Variants in SPAG16 observed in about 807,000 individuals in gnomAD.
SPAG16 encodes the protein sperm-associated antigen 16 protein.
SPAG16 carries 86 observed loss-of-function variants against 80.4 expected under a neutral mutation model. The observed-to-expected ratio is 1.07, with a 90% CI of 0.90 to 1.28. SPAG16 has a LOEUF of 1.28. Ranked by LOEUF, SPAG16 falls within the 50% of genes most tolerant of loss-of-function variation. SPAG16 has a pLI of 0.00. For missense variants in SPAG16, 870 were observed against 765.3 expected (o/e 1.14, Z -1.61); for synonymous variants, 294 against 265.9 (o/e 1.11, Z -1.03).
At chr2:214,406,348 CATTTT>C (rs1701997230) in intron 15 of SPAG16, among the ~76,000 whole-genome samples, 1 of 152,094 alleles carries the variant, frequency 6.6e-6, no homozygotes, top group African/African-American at 2.4e-5. Context: ...CAATATTACA[CATTTT>C]ATTAGCATGA....
At chr2:213,971,719 A>G (rs543787948) in intron 12 of SPAG16, among the ~76,000 whole-genome samples, 1 of 152,316 alleles carries the variant, frequency 6.6e-6, no homozygotes, top group East Asian at 1.9e-4. Flanking sequence ...CAGATACTCA[A>G]ACAGATGCTG....
chr2:214,083,479 T>C (rs548201884), intron 13 of SPAG16, among the ~76,000 whole-genome samples: 33 of 152,182 alleles, frequency 2.2e-4, no homozygotes, highest in Non-Finnish European at 4.6e-4. Flanking sequence ...CCAATCTACA[T>C]TTTCTAATTC....
intron 13 of SPAG16, among the ~76,000 whole-genome samples, chr2:214,098,072 T>C (rs993912201): frequency 1.3e-5 from 2 of 152,136 alleles, no homozygotes; most frequent in Non-Finnish European, 2.9e-5. Context: ...GCTTGTATGA[T>C]ATCCAAGTCT....
chr2:213,952,836 A>C (rs2043920817), intron 12 of SPAG16, among the ~76,000 whole-genome samples: 1 of 152,106 alleles, frequency 6.6e-6, no homozygotes, highest in Admixed American at 6.5e-5. Context: ...AGAATGAGAA[A>C]GCTCCCTGTC....
intron 11 of SPAG16, among the ~76,000 whole-genome samples, chr2:213,877,625 T>C (rs1481599661): frequency 6.6e-6 from 1 of 152,190 alleles, no homozygotes; most frequent in Non-Finnish European, 1.5e-5. Flanking sequence ...ACATAAGGCA[T>C]TTTTTATGAA....
At chr2:213,859,909 AT>A (rs1244821777) in intron 10 of SPAG16, among the ~76,000 whole-genome samples, 2 of 152,194 alleles carry the variant, frequency 1.3e-5, no homozygotes, top group African/African-American at 2.4e-5. Flanking sequence ...TTGAGCTTTC[AT>A]TTCACTTGTG....
chr2:214,276,571 T>A (rs1216876021), intron 15 of SPAG16, among the ~76,000 whole-genome samples: 1 of 152,228 alleles, frequency 6.6e-6, no homozygotes, highest in African/African-American at 2.4e-5. Context: ...TTTGGCTGGA[T>A]ATGAAATTCT....
chr2:214,059,260 G>GCATA (rs1553706253), intron 13 of SPAG16, among the ~76,000 whole-genome samples: 2 of 132,992 alleles, frequency 1.5e-5, no homozygotes, highest in East Asian at 4.5e-4. Context: ...ATATATGTAT[G>GCATA]TATATATATA....
intron 13 of SPAG16, among the ~76,000 whole-genome samples, chr2:214,028,953 G>A (rs1352505200): frequency 6.6e-6 from 1 of 151,918 alleles, no homozygotes; most frequent in Non-Finnish European, 1.5e-5. Flanking sequence ...TTTTTTTAAA[G>A]ACTAAAGTCT....
At chr2:214,188,880 T>A (rs960616158) in intron 15 of SPAG16, among the ~76,000 whole-genome samples, 22 of 152,070 alleles carry the variant, frequency 1.4e-4, no homozygotes, top group African/African-American at 5.3e-4. Flanking sequence ...CTGATTCAAG[T>A]GTGGGGTCCT....
intron 13 of SPAG16, among the ~76,000 whole-genome samples, chr2:214,100,594 C>T (rs1298304545): frequency 6.6e-5 from 10 of 152,184 alleles, no homozygotes; most frequent in African/African-American, 1.2e-4. Context: ...TCTATGTGTA[C>T]TCAATGTTTA....
intron 11 of SPAG16, among the ~76,000 whole-genome samples, chr2:213,904,493 C>T (rs929481316): frequency 1.3e-5 from 2 of 151,212 alleles, no homozygotes; most frequent in African/African-American, 4.9e-5. Flanking sequence ...AATTATCTCC[C>T]ACTTGGTCCC....
At chr2:213,341,689 AC>A (rs940456174) in intron 6 of SPAG16, among the ~76,000 whole-genome samples, 13 of 152,036 alleles carry the variant, frequency 8.6e-5, no homozygotes, top group Admixed American at 8.5e-4. Flanking sequence ...ATGCCACCAT[AC>A]CCAGCTAAAT....
intron 15 of SPAG16, among the ~76,000 whole-genome samples, chr2:214,180,925 G>C (rs2057290957): frequency 6.6e-6 from 1 of 151,660 alleles, no homozygotes; most frequent in Non-Finnish European, 1.5e-5. Flanking sequence ...TTTGGGCCTT[G>C]AGTGGATTTT....
intron 10 of SPAG16, among the ~76,000 whole-genome samples, chr2:213,838,216 G>T (rs1222592087): frequency 1.3e-5 from 2 of 152,096 alleles, no homozygotes; most frequent in Non-Finnish European, 2.9e-5. Flanking sequence ...CTGTTGCCCA[G>T]GCTGCAGTGC....
intron 9 of SPAG16, among the ~76,000 whole-genome samples, chr2:213,381,103 C>T (rs952958441): frequency 8.5e-5 from 7 of 81,980 alleles, no homozygotes; most frequent in African/African-American, 2.7e-4. Flanking sequence ...TAGACTTATA[C>T]CACAACACTG....
chr2:213,558,376 T>C (rs2125973711), intron 10 of SPAG16, among the ~76,000 whole-genome samples: 1 of 152,222 alleles, frequency 6.6e-6, no homozygotes, highest in South Asian at 2.1e-4. Flanking sequence ...TGGAAGCTTT[T>C]TATTCCATAA....
At chr2:213,583,637 C>T (rs913102785) in intron 10 of SPAG16, among the ~76,000 whole-genome samples, 1 of 152,032 alleles carries the variant, frequency 6.6e-6, no homozygotes. Flanking sequence ...GTTAGAAAAA[C>T]ACCATTTTGT....
chr2:213,729,865 C>G (rs1486331636), intron 10 of SPAG16, among the ~76,000 whole-genome samples: 1 of 152,168 alleles, frequency 6.6e-6, no homozygotes, highest in Non-Finnish European at 1.5e-5. Context: ...TAACATCAGT[C>G]CTCAGCTAGG....
Sources: gnomAD v4.1 joint callset for allele counts (sites outside exome capture counted in the v4.1 genomes callset) on GRCh38, gnomAD v4.1.1 for gene constraint, MANE v1.5 for transcripts, NCBI Gene and HGNC (gene_info 2026-07-23, HGNC 2026-07-21) for gene names.